The following TEDC1 variants were observed in gnomAD, a reference collection of about 807,000 sequenced individuals.
The protein encoded by TEDC1 is tubulin epsilon and delta complex 1, also known as tubulin epsilon and delta complex protein 1.
A neutral mutation model predicts 59.9 loss-of-function variants in TEDC1; 54 were observed. That is an observed-to-expected ratio of 0.90 (90% CI 0.72 to 1.13). The LOEUF (loss-of-function observed/expected upper bound fraction) is 1.13, where lower values mean the gene tolerates loss of function less well. TEDC1 is among the 50% of genes most tolerant of loss of function. The pLI, the probability that TEDC1 is intolerant of heterozygous loss-of-function variation, is 0.00. For synonymous variants in TEDC1, 353 were observed against 298.1 expected (o/e 1.18, Z -1.90); for missense variants, 734 against 683.4 (o/e 1.07, Z -0.83).
At chr14:105,490,169 G>A (rs1031542841), upstream of TEDC1, 9 of 151,098 alleles carry the variant, frequency 6.0e-5, no homozygotes, top group Admixed American at 5.2e-4. Context: ...CTGGGGGGGG[G>A]GCCCCGAGGC....
At chr14:105,496,254 C>G in intron 6 of TEDC1, 168 bp downstream of exon 6, 1 of 714,296 alleles carries the variant, frequency 1.4e-6, no homozygotes. Flanking sequence ...GTTGAAGCGG[C>G]CGTACCCATG....
At position 105,497,924 on chromosome 14, in the gene TEDC1, G is replaced by A; in HGVS notation, c.1105G>A (p.Glu369Lys). The A allele has an allele frequency of 6.4e-7, 1 of 1,550,672 alleles. No individual in the cohort carries two copies. The highest frequency in any genetic ancestry group is 8.7e-7 in the Non-Finnish European group (1 of 1,147,374). ...GGTAGTGCGGGAGCTGCAGGCACTG[G>A]AGGAGGAGCTGCGGGAGGCTGCGGA... is the stretch of plus-strand genomic sequence containing the variant. Reference protein sequence around the residue: ...DLVVRELQALEEELREAAERR... With the variant: ...DLVVRELQALKEELREAAERR... Residue 369 changes from glutamate (E) to lysine (K), a missense_variant, in exon 8 of 9, where the codon GAG becomes AAG. Glu to Lys is a moderately conservative substitution (Grantham distance 56, BLOSUM62 1). Transcript: ENST00000392523.
Position 105,493,867 on chromosome 14 carries a change from C to T in TEDC1, c.618C>T (p.Asp206=), listed in dbSNP as rs934389740. The part of the protein sequence containing the change: ...IHLYTRGCHS[D]QSLSHLSVTE... Reference sequence around the variant, plus strand: ...TGTACACACGCGGCTGCCACAGCGACCAGAGCCTTAGCCATCTGTCTGTCA... The same window carrying T: ...TGTACACACGCGGCTGCCACAGCGATCAGAGCCTTAGCCATCTGTCTGTCA... The change falls in exon 5 of 9, where the codon GAC becomes GAT. Residue 206 remains aspartate (D), a synonymous_variant. Coordinates refer to ENST00000392523, the MANE Select transcript of TEDC1 (RefSeq NM_001367178.1). 3 of 1,606,782 alleles carry T rather than the reference C, an allele frequency of 1.9e-6. No homozygotes were observed. Among genetic ancestry groups the T allele is most frequent in the South Asian group, 1.1e-5 (1 of 90,948 alleles).
chr14:105,497,974 C>A lies in TEDC1; in HGVS notation c.1155C>A (p.Ala385=). 6.6e-7 allele frequency: 1 copy of A among 1,526,266 alleles called. No individual in the cohort carries two copies. Among genetic ancestry groups the A allele is most frequent in the Non-Finnish European group, 8.8e-7 (1 of 1,136,772 alleles). The allele number at this position is 1,526,266 out of a possible 1,614,324, so 94.5% of individuals were successfully genotyped here. Residue 385 remains alanine (A), a synonymous_variant, in exon 8 of 9, where the codon GCC becomes GCA. Coordinates refer to ENST00000392523, the MANE Select transcript of TEDC1 (RefSeq NM_001367178.1). Reference sequence around the variant, plus strand: ...AGCGCAGGCGGGCGGCCTGGGAGGCCAAGGTGAGTGCCAGCCTCGCTCTGG... The same window carrying A: ...AGCGCAGGCGGGCGGCCTGGGAGGCAAAGGTGAGTGCCAGCCTCGCTCTGG... The part of the protein sequence containing the change: ...AAERRRAAWE[A]KAGGCGRGPE...
At chr14:105,492,404 G>A in intron 3 of TEDC1, 95 bp downstream of exon 3, 2 of 1,536,704 alleles carry the variant, frequency 1.3e-6, no homozygotes, top group Admixed American at 1.7e-5. Context: ...TGTCTGCTTT[G>A]CTCCTCAGGG....
chr14:105,491,139 G>GC (rs2084195493), upstream of TEDC1: 8 of 1,550,840 alleles, frequency 5.2e-6, no homozygotes, highest in African/African-American at 5.5e-5. Flanking sequence ...ACAGGTCTCG[G>GC]GAGCGCGGTG....
intron 6 of TEDC1, 36 bp from the exon 7 acceptor site, chr14:105,497,321 T>G: frequency 6.5e-7 from 1 of 1,539,966 alleles, no homozygotes; most frequent in South Asian, 1.2e-5. Flanking sequence ...TGGGGTCCCG[T>G]GTGAGGTTCT....
In TEDC1 at chr14:105,498,814, C is replaced by G; in HGVS notation, c.1356C>G (p.Ile452Met). 6.2e-7 allele frequency: 1 copy of G among 1,600,036 alleles called. No individual in the cohort carries two copies. The highest frequency in any genetic ancestry group is 8.5e-7 in the Non-Finnish European group (1 of 1,174,734). Residue 452 changes from isoleucine (I) to methionine (M), a missense_variant, in exon 9 of 9, where the codon ATC becomes ATG. Physicochemically the swap from Ile to Met is conservative, Grantham distance 10. Coordinates refer to ENST00000392523, the MANE Select transcript of TEDC1 (RefSeq NM_001367178.1). ...GGGACCTGCGGGCAGCTGTGGTGATCAGGACGCTGAGGAGCCAGGAGGCCT... is the reference window on the plus strand; with the variant it reads ...GGGACCTGCGGGCAGCTGTGGTGATGAGGACGCTGAGGAGCCAGGAGGCCT... ...GDRDLRAAVV[I>M]RTLRSQEACL...
At chr14:105,490,186 G>C (rs1174932133), upstream of TEDC1, 3 of 151,860 alleles carry the variant, frequency 2.0e-5, no homozygotes, top group Non-Finnish European at 4.4e-5. Flanking sequence ...AGGCGGGGCC[G>C]GGAGGGCCGC....
upstream of TEDC1, chr14:105,490,946 A>G (rs888018509): frequency 1.9e-5 from 25 of 1,295,220 alleles, no homozygotes; most frequent in Middle Eastern, 5.4e-4. Context: ...TTGAGCCTGC[A>G]AGGGCGGACT....
rs192498325 is a variant in TEDC1 at position 105,494,171 on chromosome 14, G to C, written c.684+238G>C. The C allele has an allele frequency of 2.4e-4, 136 of 575,084 alleles. 1 individual carries two copies. The highest frequency in any genetic ancestry group is 2.2e-3 in the African/African-American group (119 of 53,212). 35.6% of individuals were successfully genotyped at this position (575,084 alleles called of 1,614,324 possible). On this transcript the variant is annotated intron_variant, in intron 5 of 8. Coordinates refer to ENST00000392523, the MANE Select transcript of TEDC1 (RefSeq NM_001367178.1). ...CCACAAATCAAGACGTGGCACGGGTGGGGGCCCAGGACGCAGGAGCCTGGG... is the reference window on the plus strand; with the variant it reads ...CCACAAATCAAGACGTGGCACGGGTCGGGGCCCAGGACGCAGGAGCCTGGG...
intron 6 of TEDC1, 34 bp from the exon 7 acceptor site, chr14:105,497,323 T>G: frequency 7.8e-6 from 12 of 1,544,004 alleles, no homozygotes; most frequent in South Asian, 1.2e-5. Context: ...GGGTCCCGTG[T>G]GAGGTTCTAG....
At chr14:105,495,692 C>T in intron 5 of TEDC1, 188 bp from the exon 6 acceptor site, 1 of 595,164 alleles carries the variant, frequency 1.7e-6, no homozygotes, top group Non-Finnish European at 3.0e-6. Context: ...AGGCTTCTGG[C>T]CCCTGGGACC....
chr14:105,498,503 G>T, intron 8 of TEDC1, 114 bp from the exon 9 acceptor site: 1 of 1,151,286 alleles, frequency 8.7e-7, no homozygotes, highest in Middle Eastern at 3.0e-4. Context: ...AAGAGCATGG[G>T]CGTTTCCCGC....
At chr14:105,496,262 A>G (rs1198048640) in intron 6 of TEDC1, 176 bp downstream of exon 6, 1 of 662,346 alleles carries the variant, frequency 1.5e-6, no homozygotes, top group African/African-American at 1.8e-5. Flanking sequence ...GGCCGTACCC[A>G]TGGTGGAGGC....
intron 6 of TEDC1, chr14:105,496,774 C>T (rs2084356210): frequency 6.3e-6 from 1 of 159,354 alleles, no homozygotes; most frequent in Non-Finnish European, 1.4e-5. Context: ...CCTGCCTGAC[C>T]CTTCACTTGG....
chr14:105,492,736 T>C lies in TEDC1; in HGVS notation c.585+2T>C. 2 of 1,541,196 alleles carry C rather than the reference T, an allele frequency of 1.3e-6. No individual in the cohort carries two copies. Among genetic ancestry groups the C allele is most frequent in the Non-Finnish European group, 8.7e-7 (1 of 1,146,716 alleles). The stretch of plus-strand genomic sequence containing the variant: ...GAGCAGTGCGCCCTCCTGAGCAAGG[T>C]AGAGCTGGCACAGGGCTTCCACTCA... On this transcript the variant is annotated splice_donor_variant, in intron 4 of 8. Transcript: ENST00000392523. LOFTEE classifies it high-confidence loss of function.
In TEDC1 at chr14:105,498,854, C is replaced by G. The variant is rs928005781; in HGVS notation, c.1396C>G (p.Leu466Val). ...CCAGGAGGCCTGCCTGGAGGCGGTG[C>G]TACGTCGACTACAGGGACAGTGTCG... ...RSQEACLEAV[L>V]RRLQGQCRQE... is the part of the protein sequence containing the mutation. Residue 466 changes from leucine (L) to valine (V), a missense_variant, in exon 9 of 9, where the codon CTA becomes GTA. Transcript: ENST00000392523. 16 of 1,611,404 alleles carry G rather than the reference C, an allele frequency of 9.9e-6. No individual in the cohort carries two copies. Among genetic ancestry groups the G allele is most frequent in the Non-Finnish European group, 1.4e-5 (16 of 1,179,558 alleles).
Position 105,497,410 on chromosome 14 carries a change from G to A in TEDC1, c.945G>A (p.Trp315Ter). ...AGCGCCTGGAGGCTGTCCTGGCGTG[G>A]CGGCGCTCTGAGCTGGTCTTCTGGC... ...ENQRLEAVLAWRRSELVFWRW... is the reference protein window; with the variant it reads ...ENQRLEAVLA Residue 315 changes from tryptophan to a stop codon, truncating the protein, a stop_gained, in exon 7 of 9, where the codon TGG becomes TGA. Coordinates refer to ENST00000392523, the MANE Select transcript of TEDC1 (RefSeq NM_001367178.1). LOFTEE classifies it high-confidence loss of function. The A allele has an allele frequency of 6.4e-7, 1 of 1,551,504 alleles. No individual in the cohort carries two copies. The highest frequency in any genetic ancestry group is 8.7e-7 in the Non-Finnish European group (1 of 1,148,986).
Sources: allele counts gnomAD v4.1 joint callset, GRCh38; gene constraint gnomAD v4.1.1; transcripts MANE v1.5; gene names NCBI Gene and HGNC (gene_info 2026-07-23, HGNC 2026-07-21).